ST6GAL2: variants seen among roughly 807,000 people sequenced by gnomAD.
The protein encoded by ST6GAL2 is ST6 beta-galactoside alpha-2,6-sialyltransferase 2.
Under a neutral mutation model 37.5 loss-of-function variants are expected in ST6GAL2, and 24 were observed. That is an observed-to-expected ratio of 0.64 (90% CI 0.46 to 0.90). The LOEUF is 0.90. ST6GAL2 is among the 40% of genes least tolerant of loss of function. The pLI is 0.00. For synonymous variants in ST6GAL2, 306 were observed against 295.1 expected (o/e 1.04, Z -0.38); for missense variants, 715 against 712.7 (o/e 1.00, Z -0.04).
At chr2:106,880,272 C>T (rs1483923577) in intron 1 of ST6GAL2, among the ~76,000 whole-genome samples, 1 of 152,120 alleles carries the variant, frequency 6.6e-6, no homozygotes, top group Non-Finnish European at 1.5e-5. Flanking sequence ...TCCAAATAGT[C>T]ACCTGCTTTC....
intron 1 of ST6GAL2, among the ~76,000 whole-genome samples, chr2:106,867,521 T>C (rs1246247219): frequency 6.6e-6 from 1 of 152,232 alleles, no homozygotes; most frequent in Non-Finnish European, 1.5e-5. Context: ...CCTATGATTT[T>C]GGAGACAACA....
intron 2 of ST6GAL2, among the ~76,000 whole-genome samples, chr2:106,839,750 C>A (rs1056473459): frequency 1.3e-5 from 2 of 152,126 alleles, no homozygotes; most frequent in Admixed American, 1.3e-4. Context: ...TGGTTCAGAG[C>A]AGACCTTTCT....
chr2:106,802,628 G>C lies in ST6GAL2; in HGVS notation c.*4050C>G, dbSNP rs1176288767. On this transcript the variant is annotated 3_prime_UTR_variant, in exon 6 of 6. Coordinates refer to ENST00000409382, the MANE Select transcript of ST6GAL2 (RefSeq NM_001142351.2). ...GATAAAAGACAAGTTGAAACTCAGG[G>C]ACATTTTACCCAAGCAATTAATTTC... is the stretch of plus-strand genomic sequence containing the variant. The C allele has an allele frequency of 6.6e-6, 1 of 152,134 alleles. No homozygotes were observed. Among genetic ancestry groups the C allele is most frequent in the Non-Finnish European group, 1.5e-5 (1 of 68,038 alleles). The allele number at this position is 152,134 out of a possible 1,614,324, so 9.4% of individuals were successfully genotyped here.
chr2:106,804,340 G>T lies in ST6GAL2; in HGVS notation c.*2338C>A, dbSNP rs941586922. 6.6e-6 allele frequency: 1 copy of T among 152,154 alleles called. No homozygotes were observed. The highest frequency in any genetic ancestry group is 1.5e-5 in the Non-Finnish European group (1 of 68,040). 9.4% of individuals were successfully genotyped at this position (152,154 alleles called of 1,614,324 possible). On this transcript the variant is annotated 3_prime_UTR_variant, in exon 6 of 6. Coordinates refer to ENST00000409382, the MANE Select transcript of ST6GAL2 (RefSeq NM_001142351.2). ...ATGTCAGCCAAGGGGGATTATGCTGGATAGTAAGGATGTCTACAAGTAAAT... is the reference window on the plus strand; with the variant it reads ...ATGTCAGCCAAGGGGGATTATGCTGTATAGTAAGGATGTCTACAAGTAAAT...
intron 1 of ST6GAL2, among the ~76,000 whole-genome samples, chr2:106,856,233 T>A (rs2377691): frequency 0.36 from 54,127 of 152,102 alleles, 10,402 homozygotes; most frequent in Non-Finnish European, 0.44. Context: ...ATGTATTCCA[T>A]CTTGGCTCCT....
chr2:106,846,756 C>T (rs994619261), intron 1 of ST6GAL2, among the ~76,000 whole-genome samples: 11 of 152,144 alleles, frequency 7.2e-5, no homozygotes, highest in African/African-American at 2.4e-4. Context: ...TTAACCAAGC[C>T]GGAACCACGG....
At chr2:106,863,862 A>G (rs1677911092) in intron 1 of ST6GAL2, among the ~76,000 whole-genome samples, 2 of 152,238 alleles carry the variant, frequency 1.3e-5, no homozygotes, top group South Asian at 4.1e-4. Flanking sequence ...AAGACAGCAC[A>G]GAAGCTACAA....
chr2:106,824,593 C>A (rs564742642), intron 5 of ST6GAL2, among the ~76,000 whole-genome samples: 2 of 152,278 alleles, frequency 1.3e-5, no homozygotes, highest in East Asian at 3.9e-4. Context: ...GAAGGCTCCA[C>A]TGCACTCCAG....
At chr2:106,814,567 G>C (rs778218602) in intron 5 of ST6GAL2, among the ~76,000 whole-genome samples, 1 of 151,996 alleles carries the variant, frequency 6.6e-6, no homozygotes, top group Non-Finnish European at 1.5e-5. Flanking sequence ...CCTTAAAAAG[G>C]AGTTCCACGT....
intron 2 of ST6GAL2, among the ~76,000 whole-genome samples, chr2:106,841,722 A>G (rs967331981): frequency 6.6e-6 from 1 of 152,200 alleles, no homozygotes; most frequent in African/African-American, 2.4e-5. Flanking sequence ...AATGTGATCC[A>G]GCGAGGAAGG....
chr2:106,886,209 C>T (rs1371017250), upstream of ST6GAL2: 4 of 152,282 alleles, frequency 2.6e-5, no homozygotes, highest in Non-Finnish European at 4.4e-5. Context: ...CCCCGGCAGC[C>T]GCTCGGGTGC....
intron 2 of ST6GAL2, among the ~76,000 whole-genome samples, chr2:106,842,374 A>T (rs569960339): frequency 6.6e-6 from 1 of 152,310 alleles, no homozygotes; most frequent in South Asian, 2.1e-4. Flanking sequence ...GTTATTTACC[A>T]TCTTGGAGAA....
At chr2:106,876,627 G>C (rs1205935954) in intron 1 of ST6GAL2, among the ~76,000 whole-genome samples, 4 of 152,186 alleles carry the variant, frequency 2.6e-5, no homozygotes, top group Non-Finnish European at 4.4e-5. Flanking sequence ...AGGGCATCAG[G>C]AGGCTTCTGG....
chr2:106,857,332 G>C (rs891549067), intron 1 of ST6GAL2, among the ~76,000 whole-genome samples: 2 of 152,116 alleles, frequency 1.3e-5, no homozygotes, highest in Non-Finnish European at 2.9e-5. Context: ...GCCAGGCACC[G>C]TGGCTCATGC....
chr2:106,867,446 T>C (rs1041937729), intron 1 of ST6GAL2, among the ~76,000 whole-genome samples: 1 of 152,194 alleles, frequency 6.6e-6, no homozygotes, highest in Non-Finnish European at 1.5e-5. Context: ...TCTCCATTCA[T>C]TGAACAAGTA....
intron 1 of ST6GAL2, among the ~76,000 whole-genome samples, chr2:106,883,420 C>T (rs776222766): frequency 2.0e-5 from 3 of 152,190 alleles, no homozygotes; most frequent in Non-Finnish European, 4.4e-5. Flanking sequence ...TGGTCATCTA[C>T]AGCCCATTCA....
At chr2:106,863,021 C>CA (rs1472167173) in intron 1 of ST6GAL2, among the ~76,000 whole-genome samples, 5 of 149,086 alleles carry the variant, frequency 3.4e-5, no homozygotes, top group African/African-American at 1.2e-4. Flanking sequence ...AGCTAAAGAA[C>CA]ATGGTATTCC....
intron 5 of ST6GAL2, among the ~76,000 whole-genome samples, chr2:106,820,885 G>A (rs1675978563): frequency 6.6e-6 from 1 of 152,086 alleles, no homozygotes; most frequent in Non-Finnish European, 1.5e-5. Flanking sequence ...AAAATGGTAT[G>A]TTCCTGAATG....
At chr2:106,873,465 T>A (rs1336005971) in intron 1 of ST6GAL2, among the ~76,000 whole-genome samples, 5 of 152,368 alleles carry the variant, frequency 3.3e-5, no homozygotes, top group African/African-American at 9.6e-5. Flanking sequence ...TGGAACGGCC[T>A]TATTATCACA....
Sources: gnomAD v4.1 joint callset for allele counts (sites outside exome capture counted in the v4.1 genomes callset) on GRCh38, gnomAD v4.1.1 for gene constraint, MANE v1.5 for transcripts, NCBI Gene and HGNC (gene_info 2026-07-23, HGNC 2026-07-21) for gene names.